Variants in PTPRD observed in about 807,000 individuals in gnomAD.
PTPRD encodes receptor-type tyrosine-protein phosphatase delta.
Under a neutral mutation model 214.5 loss-of-function variants are expected in PTPRD, and 34 were observed. The observed-to-expected ratio is 0.16, with a 90% CI of 0.12 to 0.21. The LOEUF is 0.21. PTPRD is among the 10% of genes least tolerant of loss of function. The pLI is 1.00. For missense variants in PTPRD, 2,545 were observed against 2,398.7 expected (o/e 1.06, Z -1.27); for synonymous variants, 1,128 against 845.7 (o/e 1.33, Z -5.79).
At chr9:8,413,338 G>A (rs570178605) in intron 35 of PTPRD, among the ~76,000 whole-genome samples, 1 of 152,262 alleles carries the variant, frequency 6.6e-6, no homozygotes, top group South Asian at 2.1e-4. Flanking sequence ...TTTTGTTAAT[G>A]TTCAGTCAAT....
intron 10 of PTPRD, among the ~76,000 whole-genome samples, chr9:9,104,081 G>A (rs986549089): frequency 7.9e-5 from 12 of 152,054 alleles, no homozygotes; most frequent in African/African-American, 2.9e-4. Context: ...TATCAAAAAG[G>A]ACCATCAGAT....
intron 7 of PTPRD, among the ~76,000 whole-genome samples, chr9:9,623,346 A>G (rs1402928997): frequency 1.3e-5 from 2 of 152,170 alleles, no homozygotes; most frequent in East Asian, 3.9e-4. Context: ...TCACTTTACT[A>G]ACATCTACAT....
chr9:9,157,048 C>A (rs1035997803), intron 10 of PTPRD, among the ~76,000 whole-genome samples: 3 of 152,164 alleles, frequency 2.0e-5, no homozygotes, highest in African/African-American at 7.2e-5. Context: ...TGATATTTAT[C>A]TATTAATCTC....
chr9:9,712,880 C>T (rs975707052), intron 7 of PTPRD, among the ~76,000 whole-genome samples: 5 of 152,102 alleles, frequency 3.3e-5, no homozygotes, highest in Admixed American at 3.3e-4. Context: ...TATGTTATTG[C>T]TATAGTGACA....
At chr9:9,045,117 A>C (rs1182242592) in intron 10 of PTPRD, among the ~76,000 whole-genome samples, 1 of 152,172 alleles carries the variant, frequency 6.6e-6, no homozygotes, top group Non-Finnish European at 1.5e-5. Flanking sequence ...GTTATGGTTC[A>C]AATTAGGAGC....
At chr9:8,567,223 C>G (rs2089584869) in intron 14 of PTPRD, among the ~76,000 whole-genome samples, 1 of 152,170 alleles carries the variant, frequency 6.6e-6, no homozygotes. Context: ...CCTGCCTTTT[C>G]CAGGCTTCAA....
At chr9:8,606,835 A>G (rs577093929) in intron 14 of PTPRD, among the ~76,000 whole-genome samples, 6 of 152,350 alleles carry the variant, frequency 3.9e-5, no homozygotes, top group African/African-American at 1.4e-4. Flanking sequence ...CACAAAGCAC[A>G]TTGCTTAAAT....
rs1274512944 is a variant in PTPRD, at chr9:9,417,690, T to C, written c.-236-20208A>G. On this transcript the variant is annotated intron_variant, in intron 8 of 45. Transcript: ENST00000381196. ...GGAAGTAGCAGTATTTGTAGTGACA[T>C]GGGAAATGCTAGTCTATTTTTTTAA... 3.3e-5 allele frequency among the ~76,000 whole-genome samples: 5 copies of C among 152,094 alleles called. No individual in the cohort carries two copies. In the East Asian group the frequency reaches 9.6e-4, roughly 29 times the overall value.
At chr9:9,062,997 G>A (rs16928851) in intron 10 of PTPRD, among the ~76,000 whole-genome samples, 9,482 of 152,138 alleles carry the variant, frequency 0.062, 318 homozygotes, top group Middle Eastern at 0.13. Flanking sequence ...AGTGGGTAGG[G>A]GCTAAACATG....
intron 2 of PTPRD, among the ~76,000 whole-genome samples, chr9:10,517,390 T>C (rs980190861): frequency 1.3e-5 from 2 of 152,064 alleles, no homozygotes; most frequent in African/African-American, 4.8e-5. Context: ...GTATCAACAA[T>C]GCAACTGATT....
At chr9:10,038,765 G>GA (rs1257425760) in intron 3 of PTPRD, among the ~76,000 whole-genome samples, 2 of 151,984 alleles carry the variant, frequency 1.3e-5, no homozygotes, top group African/African-American at 4.8e-5. Flanking sequence ...TATTCTCAGA[G>GA]AACTGTAATC....
At chr9:10,338,301 G>T (rs953528794) in intron 3 of PTPRD, among the ~76,000 whole-genome samples, 1 of 151,544 alleles carries the variant, frequency 6.6e-6, no homozygotes, top group African/African-American at 2.4e-5. Context: ...TAACATTCTA[G>T]CAAGCAGAGG....
At chr9:9,707,303 TG>T (rs1263708272) in intron 7 of PTPRD, among the ~76,000 whole-genome samples, 2 of 152,228 alleles carry the variant, frequency 1.3e-5, no homozygotes, top group East Asian at 3.8e-4. Context: ...CTATCTATTT[TG>T]GGGCCTTAGA....
rs187405345 is a variant in PTPRD at position 8,792,566 on chromosome 9, A to C, written c.-103-58620T>G. 5.9e-5 allele frequency among the ~76,000 whole-genome samples: 9 copies of C among 152,300 alleles called. No homozygotes were observed. In the East Asian group the frequency reaches 1.4e-3, roughly 23 times the overall value. On this transcript the variant is annotated intron_variant, in intron 11 of 45. Transcript: ENST00000381196. ...ATCTAGCTTTTGGACTACTGACTTA[A>C]ATTCATTTGATTTTACTCAAATCTG...
chr9:9,105,564 A>G (rs1019122250), intron 10 of PTPRD, among the ~76,000 whole-genome samples: 1 of 152,228 alleles, frequency 6.6e-6, no homozygotes, highest in African/African-American at 2.4e-5. Flanking sequence ...AGGTTACTCC[A>G]TAAATTGAAA....
At chr9:8,523,444 T>C (rs565545353) in intron 19 of PTPRD, 69 bp downstream of exon 19, 2 of 1,535,600 alleles carry the variant, frequency 1.3e-6, no homozygotes, top group East Asian at 2.3e-5. Flanking sequence ...ATTCATTTCA[T>C]TTGTATTCTT....
At chr9:8,807,481 T>C (rs1163030488) in intron 11 of PTPRD, among the ~76,000 whole-genome samples, 1 of 152,130 alleles carries the variant, frequency 6.6e-6, no homozygotes, top group Middle Eastern at 3.2e-3. Context: ...ATAATCACTA[T>C]AATCAAACAA....
chr9:9,435,489 C>A (rs1251999681), intron 8 of PTPRD, among the ~76,000 whole-genome samples: 2 of 152,132 alleles, frequency 1.3e-5, no homozygotes, highest in Non-Finnish European at 2.9e-5. Context: ...ACACTCCAGC[C>A]TGGATGACAG....
intron 10 of PTPRD, among the ~76,000 whole-genome samples, chr9:9,119,536 AT>A (rs202149992): frequency 2.8e-3 from 407 of 145,756 alleles, no homozygotes; most frequent in African/African-American, 6.3e-3. Context: ...AGATTCTGTG[AT>A]TTTTTTTTTT....
Sources: allele counts gnomAD v4.1 joint callset (sites outside exome capture counted in the v4.1 genomes callset), GRCh38; gene constraint gnomAD v4.1.1; transcripts MANE v1.5; gene names NCBI Gene and HGNC (gene_info 2026-07-23, HGNC 2026-07-21).